The following CPT1A variants were observed in gnomAD, a reference collection of about 807,000 sequenced individuals.
The protein encoded by CPT1A is carnitine palmitoyltransferase 1A, also known as carnitine O-palmitoyltransferase 1, liver isoform.
A neutral mutation model predicts 100.8 loss-of-function variants in CPT1A; 64 were observed. The ratio of observed to expected loss-of-function variants is 0.63; its 90% CI spans 0.52 to 0.78. The LOEUF is 0.78. Ranked by LOEUF, CPT1A falls within the 30% of genes least tolerant of loss-of-function variation. The pLI is 0.00. For missense variants in CPT1A, 802 were observed against 1,034.1 expected (o/e 0.78, Z 3.08); for synonymous variants, 363 against 396.0 (o/e 0.92, Z 0.99).
rs775579381 is a variant in CPT1A, at chr11:68,806,633, GA to G, written c.453+833del. On this transcript the variant is annotated intron_variant, in intron 4 of 18. Transcript: ENST00000265641. ...ATGGAACAAGACCCTGTCTCAAAAA[GA>G]AAAAAAAAAAAAAAAAAGCTGGGTA... is the stretch of plus-strand genomic sequence containing the variant. Among the ~76,000 whole-genome samples the G allele has an allele frequency of 6.7e-3, 622 of 92,482 alleles. 1 individual carries two copies. Among genetic ancestry groups the G allele is most frequent in the South Asian group, 0.02 (45 of 2,272 alleles). The allele number at this position is 92,482 out of a possible 152,430, so 60.7% of individuals were successfully genotyped here.
Position 68,827,587 on chromosome 11 carries a change from G to A in CPT1A, c.-13-12100C>T, listed in dbSNP as rs576591883. Among the ~76,000 whole-genome samples, 14 of 127,750 alleles carry A rather than the reference G, an allele frequency of 1.1e-4. 1 individual carries two copies. The highest frequency in any genetic ancestry group is 4.1e-4 in the African/African-American group (14 of 33,780). 83.8% of individuals were successfully genotyped at this position (127,750 alleles called of 152,430 possible). ...TGTAGAGATGGGATCTCACTATGTT[G>A]CCCAGGCTGGTCTTGAACTCCTGGA... On this transcript the variant is annotated intron_variant, in intron 1 of 18. Transcript: ENST00000265641.
chr11:68,816,218 C>T (rs1477283947), intron 1 of CPT1A, among the ~76,000 whole-genome samples: 1 of 152,204 alleles, frequency 6.6e-6, no homozygotes, highest in Non-Finnish European at 1.5e-5. Flanking sequence ...ACTTCGAGCG[C>T]AGATCAATCC....
In CPT1A at chr11:68,773,410, G is replaced by A. The variant is rs1566349079; in HGVS notation, c.1595C>T (p.Thr532Ile). 4.3e-6 allele frequency: 7 copies of A among 1,613,976 alleles called. No homozygotes were observed. Among genetic ancestry groups the A allele is most frequent in the Non-Finnish European group, 5.9e-6 (7 of 1,179,822 alleles). ...CAGAAGATTTGCGGTGTTCAGGGAG[G>A]TCTCTATAACCTCTTGACACTTGAG... ...IPGECQEVIE[T>I]SLNTANLLAN... The change falls in exon 14 of 19, where the codon ACC (threonine) becomes ATC (isoleucine). Residue 532 changes from threonine (T) to isoleucine (I), a missense_variant. Physicochemically the swap from Thr to Ile is moderately conservative, Grantham distance 89. This residue lies in a region of CPT1A where 627 missense variants were observed against 799.3 expected (regional missense o/e 0.78). Transcript: ENST00000265641.
chr11:68,810,341 C>T (rs1459523445), intron 3 of CPT1A, among the ~76,000 whole-genome samples: 1 of 152,196 alleles, frequency 6.6e-6, no homozygotes, highest in African/African-American at 2.4e-5. Context: ...CCCAGGTCTG[C>T]CAGCTGCTTT....
chr11:68,790,885 A>G (rs1594342303), intron 9 of CPT1A, among the ~76,000 whole-genome samples: 1 of 152,146 alleles, frequency 6.6e-6, no homozygotes, highest in African/African-American at 2.4e-5. Flanking sequence ...GTGCAGTGGC[A>G]TGATCTTGGC....
chr11:68,760,890 G>A (rs1028125539), intron 16 of CPT1A, among the ~76,000 whole-genome samples: 4 of 150,916 alleles, frequency 2.7e-5, no homozygotes, highest in East Asian at 2.0e-4. Flanking sequence ...GCATGGCAGC[G>A]TGTGCCTGTA....
At chr11:68,834,131 C>T (rs535031576) in intron 1 of CPT1A, among the ~76,000 whole-genome samples, 1 of 152,250 alleles carries the variant, frequency 6.6e-6, no homozygotes, top group South Asian at 2.1e-4. Flanking sequence ...TATAATGGGT[C>T]GTCAGGTTAT....
At chr11:68,825,925 C>T (rs900362617) in intron 1 of CPT1A, among the ~76,000 whole-genome samples, 1 of 152,232 alleles carries the variant, frequency 6.6e-6, no homozygotes, top group Non-Finnish European at 1.5e-5. Flanking sequence ...AGAGGCCAAC[C>T]CACCCCAGTG....
At chr11:68,791,747 G>A (rs992995797) in intron 9 of CPT1A, among the ~76,000 whole-genome samples, 11 of 152,056 alleles carry the variant, frequency 7.2e-5, no homozygotes, top group African/African-American at 2.7e-4. Flanking sequence ...ACCAGTAGTA[G>A]GCTGGTCTTG....
intron 12 of CPT1A, among the ~76,000 whole-genome samples, chr11:68,777,663 TC>T (rs1855176345): frequency 6.6e-6 from 1 of 152,154 alleles, no homozygotes; most frequent in African/African-American, 2.4e-5. Context: ...TAAGATAAAA[TC>T]CCTTTATCCT....
chr11:68,839,530 C>A, intron 1 of CPT1A: 6 of 985,504 alleles, frequency 6.1e-6, no homozygotes, highest in Non-Finnish European at 7.2e-6. Context: ...ACCCCAGCGA[C>A]AGCGGGAGAA....
chr11:68,805,644 C>G (rs1856023050), intron 4 of CPT1A, among the ~76,000 whole-genome samples: 1 of 152,118 alleles, frequency 6.6e-6, no homozygotes, highest in Non-Finnish European at 1.5e-5. Context: ...TCGGGGCAGA[C>G]AAGAAACCAA....
chr11:68,806,076 C>CA lies in CPT1A; in HGVS notation c.453+1390dup, dbSNP rs565954756. Among the ~76,000 whole-genome samples, 5 of 150,142 alleles carry CA rather than the reference C, an allele frequency of 3.3e-5. No homozygotes were observed. The South Asian group carries it at 1.0e-3, about 31-fold the overall frequency. On this transcript the variant is annotated intron_variant, in intron 4 of 18. Coordinates refer to ENST00000265641, the MANE Select transcript of CPT1A (RefSeq NM_001876.4). The stretch of plus-strand genomic sequence containing the variant: ...GCTCTGTCCCCTAGGAGTGCAGTGA[C>CA]ACAACCACAGCTCACTGCAGCCTTG...
At chr11:68,759,825 C>T (rs899086221) in intron 17 of CPT1A, among the ~76,000 whole-genome samples, 164 bp from the exon 18 acceptor site, 2 of 151,594 alleles carry the variant, frequency 1.3e-5, no homozygotes, top group Non-Finnish European at 1.5e-5. Flanking sequence ...CCCAGGGGTT[C>T]GAGACCAGCC....
chr11:68,823,751 T>C (rs1377983472), intron 1 of CPT1A, among the ~76,000 whole-genome samples: 1 of 151,162 alleles, frequency 6.6e-6, no homozygotes, highest in Admixed American at 6.6e-5. Context: ...ATCATGCCAT[T>C]GCACTCCAGC....
chr11:68,759,774 T>C, intron 17 of CPT1A, 113 bp from the exon 18 acceptor site: 1 of 817,722 alleles, frequency 1.2e-6, no homozygotes, highest in Non-Finnish European at 2.1e-6. Flanking sequence ...CTCCTTGTAA[T>C]CCCAGCATTT....
chr11:68,793,478 G>A (rs1855674138), intron 8 of CPT1A, 76 bp from the exon 9 acceptor site: 3 of 1,154,840 alleles, frequency 2.6e-6, no homozygotes, highest in Non-Finnish European at 3.8e-6. Flanking sequence ...GGGTGCGGTG[G>A]CTCACGCCTG....
At chr11:68,760,953 G>A (rs867489850) in intron 16 of CPT1A, among the ~76,000 whole-genome samples, 6 of 151,868 alleles carry the variant, frequency 4.0e-5, no homozygotes, top group African/African-American at 7.3e-5. Flanking sequence ...CCCGGGAGGC[G>A]GAGGTTTCAG....
intron 5 of CPT1A, among the ~76,000 whole-genome samples, chr11:68,802,604 G>A (rs1391121994): frequency 6.6e-6 from 1 of 151,954 alleles, no homozygotes; most frequent in Non-Finnish European, 1.5e-5. Context: ...CGTGGTGGCA[G>A]GGGCCTGTAG....
Sources: gnomAD v4.1 joint callset for allele counts (sites outside exome capture counted in the v4.1 genomes callset) on GRCh38, gnomAD v4.1.1 for gene constraint, gnomAD v4.1.1 regional missense constraint, MANE v1.5 for transcripts, NCBI Gene and HGNC (gene_info 2026-07-23, HGNC 2026-07-21) for gene names.